The following FOXK2 variants were observed in gnomAD, a reference collection of about 807,000 sequenced individuals.
FOXK2 encodes forkhead box K2.
FOXK2 carries 24 observed loss-of-function variants against 53.3 expected under a neutral mutation model. The observed-to-expected ratio is 0.45, with a 90% CI of 0.33 to 0.63. The LOEUF (loss-of-function observed/expected upper bound fraction) is 0.63, where lower values mean the gene tolerates loss of function less well. FOXK2 is among the 30% of genes least tolerant of loss of function. FOXK2 has a pLI of 0.03. For synonymous variants in FOXK2, 505 were observed against 407.1 expected (o/e 1.24, Z -2.89); for missense variants, 952 against 910.5 (o/e 1.05, Z -0.59).
At chr17:82,543,394 A>G (rs1230159887) in intron 1 of FOXK2, among the ~76,000 whole-genome samples, 1 of 151,690 alleles carries the variant, frequency 6.6e-6, no homozygotes, top group Non-Finnish European at 1.5e-5. Context: ...TGGCATCTAA[A>G]TGAAGGCTTC....
chr17:82,520,355 C>G (rs540318182), intron 1 of FOXK2, 48 bp downstream of exon 1: 2 of 1,231,626 alleles, frequency 1.6e-6, no homozygotes, highest in Non-Finnish European at 1.0e-6. Context: ...CCTGCAGCGC[C>G]TGGCAGGACG....
intron 1 of FOXK2, among the ~76,000 whole-genome samples, chr17:82,537,315 CTT>C (rs2044530120): frequency 1.3e-5 from 2 of 152,094 alleles, no homozygotes. Flanking sequence ...AATAATACTT[CTT>C]GTAGAACATT....
intron 4 of FOXK2, among the ~76,000 whole-genome samples, chr17:82,572,675 T>G (rs939346161): frequency 1.3e-5 from 2 of 152,166 alleles, no homozygotes; most frequent in Admixed American, 1.3e-4. Flanking sequence ...ATTAAAAACA[T>G]AGAGAAGAAA....
At chr17:82,532,094 C>G (rs1214180284) in intron 1 of FOXK2, among the ~76,000 whole-genome samples, 1 of 151,884 alleles carries the variant, frequency 6.6e-6, no homozygotes, top group Non-Finnish European at 1.5e-5. Context: ...AGGTAAACAC[C>G]TACCTTGGCC....
chr17:82,583,056 A>G (rs2045083198), intron 5 of FOXK2, 122 bp downstream of exon 5: 2 of 749,564 alleles, frequency 2.7e-6, no homozygotes, highest in Admixed American at 3.6e-5. Context: ...AAATGTTGGG[A>G]TGGGGATTTG....
chr17:82,523,955 C>T (rs140737552), intron 1 of FOXK2, among the ~76,000 whole-genome samples: 27,711 of 152,142 alleles, frequency 0.18, 2,844 homozygotes, highest in Non-Finnish European at 0.24. Flanking sequence ...AGTGCAGTGG[C>T]GTGATCTTGG....
At position 82,569,461 on chromosome 17, in the gene FOXK2, C is replaced by G. The variant is rs543028815; in HGVS notation, c.762+1260C>G. Reference sequence around the variant, plus strand: ...AAGAAGTCAGTAGTAATGGTGGCCTCTTGGAGAAGTAGAGGTAGTGGGCTG... The same window carrying G: ...AAGAAGTCAGTAGTAATGGTGGCCTGTTGGAGAAGTAGAGGTAGTGGGCTG... On this transcript the variant is annotated intron_variant, in intron 3 of 8. Transcript: ENST00000335255. Among the ~76,000 whole-genome samples the G allele has an allele frequency of 1.1e-3, 162 of 152,260 alleles. 2 individuals are homozygous for G. Among genetic ancestry groups the G allele is most frequent in the Non-Finnish European group, 1.2e-3 (81 of 68,020 alleles).
At chr17:82,529,010 G>A (rs1384531626) in intron 1 of FOXK2, among the ~76,000 whole-genome samples, 1 of 152,140 alleles carries the variant, frequency 6.6e-6, no homozygotes. Flanking sequence ...CAGAGGCCAG[G>A]GATGCCACTG....
intron 4 of FOXK2, chr17:82,577,250 T>G (rs1403391017): frequency 1.0e-5 from 13 of 1,282,510 alleles, no homozygotes; most frequent in Non-Finnish European, 1.3e-5. Flanking sequence ...AAACTCCAGG[T>G]AGTACTTGTC....
chr17:82,595,650 C>G (rs2045302111), intron 8 of FOXK2: 1 of 623,470 alleles, frequency 1.6e-6, no homozygotes, highest in Non-Finnish European at 2.4e-6. Flanking sequence ...TACATGTGGT[C>G]ACGGTTTTTC....
At chr17:82,534,577 G>A (rs895742404) in intron 1 of FOXK2, among the ~76,000 whole-genome samples, 7 of 152,164 alleles carry the variant, frequency 4.6e-5, no homozygotes, top group African/African-American at 1.7e-4. Flanking sequence ...GCAGAGCTCT[G>A]GAGGAGACCC....
At chr17:82,596,288 C>T (rs1344822400) in intron 8 of FOXK2, 19 of 820,736 alleles carry the variant, frequency 2.3e-5, no homozygotes, top group East Asian at 1.2e-4. Context: ...TTCTGGAACA[C>T]GTTCCTTGCC....
chr17:82,581,131 C>G (rs942738422), intron 4 of FOXK2, among the ~76,000 whole-genome samples: 1 of 152,224 alleles, frequency 6.6e-6, no homozygotes, highest in South Asian at 2.1e-4. Flanking sequence ...TTTTGGATAG[C>G]TCCAGATTTT....
At chr17:82,574,528 C>T (rs1296096239) in intron 4 of FOXK2, among the ~76,000 whole-genome samples, 2 of 152,172 alleles carry the variant, frequency 1.3e-5, no homozygotes, top group East Asian at 3.8e-4. Flanking sequence ...CCATGTTGGT[C>T]AGGCTGGTGT....
intron 1 of FOXK2, among the ~76,000 whole-genome samples, chr17:82,521,382 C>T (rs1174288025): frequency 6.6e-6 from 1 of 150,842 alleles, no homozygotes; most frequent in East Asian, 2.0e-4. Flanking sequence ...CCATCTTGGC[C>T]AGGCTGGTAT....
At chr17:82,525,030 C>T (rs1231392071) in intron 1 of FOXK2, among the ~76,000 whole-genome samples, 3 of 150,020 alleles carry the variant, frequency 2.0e-5, no homozygotes, top group African/African-American at 4.9e-5. Context: ...GGCTGGGGTA[C>T]AGTGGCACGA....
chr17:82,560,787 C>G (rs1259854091), intron 1 of FOXK2, among the ~76,000 whole-genome samples: 1 of 152,048 alleles, frequency 6.6e-6, no homozygotes, highest in African/African-American at 2.4e-5. Flanking sequence ...CACTTGAGCC[C>G]AGGAGTTTGA....
At position 82,601,762 on chromosome 17, in the gene FOXK2, T is replaced by G; in HGVS notation, c.*263T>G. 2.6e-6 allele frequency: 1 copy of G among 380,162 alleles called. No individual in the cohort carries two copies. The highest frequency in any genetic ancestry group is 4.8e-6 in the Non-Finnish European group (1 of 206,430). The allele number at this position is 380,162 out of a possible 1,614,324, so 23.5% of individuals were successfully genotyped here. A position where few individuals can be genotyped will look rare whatever the true frequency, so the allele number is the denominator to read the frequency against. On this transcript the variant is annotated 3_prime_UTR_variant, in exon 9 of 9. Coordinates refer to ENST00000335255, the MANE Select transcript of FOXK2 (RefSeq NM_004514.4). ...GAGCTTCTACCTACGAGTGAAACTC[T>G]GTCCTCCCGCGAGGACCAGGCATCG...
chr17:82,521,040 C>T (rs1397868523), intron 1 of FOXK2, among the ~76,000 whole-genome samples: 1 of 152,220 alleles, frequency 6.6e-6, no homozygotes, highest in Non-Finnish European at 1.5e-5. Context: ...TTAGCTTGGT[C>T]CTGTGGTTTT....
Sources: gnomAD v4.1 joint callset for allele counts (sites outside exome capture counted in the v4.1 genomes callset) on GRCh38, gnomAD v4.1.1 for gene constraint, MANE v1.5 for transcripts, NCBI Gene and HGNC (gene_info 2026-07-23, HGNC 2026-07-21) for gene names.